KYNU: variants seen among roughly 807,000 people sequenced by gnomAD.
KYNU encodes the protein kynureninase.
Under a neutral mutation model 59.2 loss-of-function variants are expected in KYNU, and 54 were observed. The observed-to-expected ratio is 0.91, with a 90% CI of 0.73 to 1.14. KYNU has a LOEUF of 1.14. Ranked by LOEUF, KYNU falls within the 50% of genes most tolerant of loss-of-function variation. KYNU has a pLI of 0.00. For synonymous variants in KYNU, 177 were observed against 192.0 expected (o/e 0.92, Z 0.65); for missense variants, 567 against 554.4 (o/e 1.02, Z -0.23).
chr2:142,900,413 A>C (rs1573765607), intron 2 of KYNU, among the ~76,000 whole-genome samples: 1 of 152,152 alleles, frequency 6.6e-6, no homozygotes, highest in Admixed American at 6.5e-5. Context: ...AAGGGAGGGG[A>C]CCCAAAGAGG....
intron 10 of KYNU, among the ~76,000 whole-genome samples, chr2:143,027,949 A>G (rs1028861141): frequency 6.6e-6 from 1 of 152,054 alleles, no homozygotes; most frequent in South Asian, 2.1e-4. Flanking sequence ...TATAAAGCAT[A>G]TAAGATACTA....
Position 143,049,691 on chromosome 2 carries a change from C to T in KYNU, c.*7519C>T, listed in dbSNP as rs544916387. Reference sequence around the variant, plus strand: ...AATCCCAATCTCAAGCACGGTGTCACGGGAACCTGATCTAAGTCAGCATTT... The same window carrying T: ...AATCCCAATCTCAAGCACGGTGTCATGGGAACCTGATCTAAGTCAGCATTT... On this transcript the variant is annotated 3_prime_UTR_variant, in exon 14 of 14. Transcript: ENST00000264170. The T allele has an allele frequency of 5.9e-5, 9 of 152,308 alleles. No individual in the cohort carries two copies. Among genetic ancestry groups the T allele is most frequent in the African/African-American group, 1.7e-4 (7 of 41,564 alleles). 9.4% of individuals were successfully genotyped at this position (152,308 alleles called of 1,614,324 possible).
In KYNU at chr2:142,985,152, A is replaced by T; in HGVS notation, c.798A>T (p.Gly266=). 1 of 1,610,612 alleles carries T rather than the reference A, an allele frequency of 6.2e-7. No homozygotes were observed. Among genetic ancestry groups the T allele is most frequent in the Non-Finnish European group, 8.5e-7 (1 of 1,177,360 alleles). Residue 266 remains glycine, a synonymous_variant, in exon 9 of 14, where the codon GGA becomes GGT. Transcript: ENST00000264170. ...GNVELYLHDW[G]VDFACWCSYK... is the part of the protein sequence containing the mutation. ...TTGAACTCTACTTACATGACTGGGG[A>T]GTTGATTTTGCCTGCTGGTGTTCCT...
chr2:143,038,855 A>G lies in KYNU; in HGVS notation c.1042-1573A>G, dbSNP rs146053968. Among the ~76,000 whole-genome samples, 974 of 152,250 alleles carry G rather than the reference A, an allele frequency of 6.4e-3. 6 individuals carry two copies. Among genetic ancestry groups the G allele is most frequent in the Non-Finnish European group, 8.4e-3 (568 of 68,016 alleles). On this transcript the variant is annotated intron_variant, in intron 12 of 13. Transcript: ENST00000264170. ...TTTTCATAGACTTGATAAAGTCTCA[A>G]TATCACCAAATGACCCTATCTTTGC...
In KYNU at chr2:143,009,884, T is replaced by G. The variant is rs868301349; in HGVS notation, c.903-19743T>G. On this transcript the variant is annotated intron_variant, in intron 10 of 13. Transcript: ENST00000264170. ...AACCCTTCATGCTAAAAACTCTCAA[T>G]AAATTAGGTATTGATGGGATGTATT... is the stretch of plus-strand genomic sequence containing the variant. Among the ~76,000 whole-genome samples, 13 of 118,056 alleles carry G rather than the reference T, an allele frequency of 1.1e-4. 1 individual carries two copies. Among genetic ancestry groups the G allele is most frequent in the South Asian group, 3.1e-4 (1 of 3,264 alleles). The allele number at this position is 118,056 out of a possible 152,430, so 77.4% of individuals were successfully genotyped here. A position where few individuals can be genotyped will look rare whatever the true frequency, so the allele number is the denominator to read the frequency against.
At chr2:142,983,584 T>C (rs1274306302) in intron 8 of KYNU, among the ~76,000 whole-genome samples, 1 of 152,078 alleles carries the variant, frequency 6.6e-6, no homozygotes, top group East Asian at 1.9e-4. Context: ...CTATTGACTC[T>C]TTCATATTAC....
chr2:142,919,359 G>A (rs981799020), intron 3 of KYNU, among the ~76,000 whole-genome samples: 2 of 152,138 alleles, frequency 1.3e-5, no homozygotes, highest in African/African-American at 4.8e-5. Context: ...AACTAACAGA[G>A]GAGTTAATAT....
chr2:143,005,476 C>T (rs1246339869), intron 10 of KYNU, among the ~76,000 whole-genome samples: 1 of 151,810 alleles, frequency 6.6e-6, no homozygotes, highest in Non-Finnish European at 1.5e-5. Context: ...CAACAAGTCA[C>T]ATGTGCATCT....
chr2:143,026,737 CTGT>C (rs1395841188), intron 10 of KYNU, among the ~76,000 whole-genome samples: 58 of 132,288 alleles, frequency 4.4e-4, no homozygotes, highest in African/African-American at 1.8e-3. Context: ...TTTAGCTCTG[CTGT>C]CCGCAGTCCG....
chr2:142,887,034 G>C (rs1456649954), intron 2 of KYNU, among the ~76,000 whole-genome samples: 1 of 152,076 alleles, frequency 6.6e-6, no homozygotes, highest in African/African-American at 2.4e-5. Context: ...GCCGGGCGTA[G>C]TGGCGGGCGC....
At chr2:143,009,803 C>A (rs961666298) in intron 10 of KYNU, among the ~76,000 whole-genome samples, 2 of 116,762 alleles carry the variant, frequency 1.7e-5, no homozygotes, top group Non-Finnish European at 3.4e-5. Context: ...GAGCCAAAGA[C>A]AAAAACCACA....
chr2:143,006,203 C>G (rs936089924), intron 10 of KYNU, among the ~76,000 whole-genome samples: 2 of 152,004 alleles, frequency 1.3e-5, no homozygotes, highest in African/African-American at 2.4e-5. Flanking sequence ...GTGCACGCAC[C>G]GTGCGCGAGC....
intron 2 of KYNU, among the ~76,000 whole-genome samples, chr2:142,909,482 T>A (rs1682410630): frequency 6.6e-6 from 1 of 152,158 alleles, no homozygotes; most frequent in Non-Finnish European, 1.5e-5. Context: ...ACCCAATAGG[T>A]AGTATAGTTC....
At chr2:142,886,984 C>G (rs1350864683) in intron 2 of KYNU, among the ~76,000 whole-genome samples, 2 of 152,128 alleles carry the variant, frequency 1.3e-5, no homozygotes, top group African/African-American at 4.8e-5. Context: ...TCCTGGTTAA[C>G]ACGGTGAAAC....
intron 2 of KYNU, among the ~76,000 whole-genome samples, chr2:142,890,407 T>C (rs528036711): frequency 1.1e-3 from 165 of 152,246 alleles, no homozygotes; most frequent in Non-Finnish European, 1.6e-3. Context: ...CAGAAACAAG[T>C]TGTGCAAATT....
At chr2:142,917,839 G>A (rs576382824) in intron 2 of KYNU, among the ~76,000 whole-genome samples, 3 of 152,304 alleles carry the variant, frequency 2.0e-5, no homozygotes, top group African/African-American at 7.2e-5. Context: ...GTAGTCTGAA[G>A]TAAAGACCAA....
intron 12 of KYNU, among the ~76,000 whole-genome samples, chr2:143,038,815 A>G (rs1449068034): frequency 1.3e-5 from 2 of 152,144 alleles, no homozygotes; most frequent in African/African-American, 4.8e-5. Flanking sequence ...CCACGTGTAC[A>G]TACAGGAATA....
chr2:143,013,278 C>G (rs1686162797), intron 10 of KYNU, among the ~76,000 whole-genome samples: 1 of 148,272 alleles, frequency 6.7e-6, no homozygotes, highest in Admixed American at 6.6e-5. Context: ...CTGTCTCTCT[C>G]TGTTTCTCTG....
chr2:143,024,237 T>A (rs1420538570), intron 10 of KYNU, among the ~76,000 whole-genome samples: 1 of 151,984 alleles, frequency 6.6e-6, no homozygotes, highest in East Asian at 1.9e-4. Flanking sequence ...TGAGTAAAAC[T>A]ATGTTAACTC....
Sources: allele counts gnomAD v4.1 joint callset (sites outside exome capture counted in the v4.1 genomes callset), GRCh38; gene constraint gnomAD v4.1.1; transcripts MANE v1.5; gene names NCBI Gene and HGNC (gene_info 2026-07-23, HGNC 2026-07-21).